CPNE4: variants seen among roughly 807,000 people sequenced by gnomAD.
The protein encoded by CPNE4 is copine-4.
Under a neutral mutation model 67.9 loss-of-function variants are expected in CPNE4, and 25 were observed. The ratio of observed to expected loss-of-function variants is 0.37; its 90% CI spans 0.27 to 0.51. The LOEUF (loss-of-function observed/expected upper bound fraction) is 0.51. CPNE4 is among the 20% of genes least tolerant of loss of function. The pLI is 0.93. For missense variants in CPNE4, 464 were observed against 690.8 expected (o/e 0.67, Z 3.68); for synonymous variants, 242 against 244.9 (o/e 0.99, Z 0.11).
intron 7 of CPNE4, among the ~76,000 whole-genome samples, chr3:131,594,683 C>G (rs2107712787): frequency 6.6e-6 from 1 of 152,094 alleles, no homozygotes; most frequent in East Asian, 1.9e-4. Context: ...GTAATAAAAG[C>G]AAAAATAGAT....
intron 6 of CPNE4, among the ~76,000 whole-genome samples, chr3:131,672,753 A>C (rs73218434): frequency 0.032 from 4,806 of 151,840 alleles, 107 homozygotes; most frequent in East Asian, 0.1. Context: ...TGTCAGATGG[A>C]TAGTTGGCAA....
At chr3:131,741,319 C>T (rs983304631) in intron 2 of CPNE4, among the ~76,000 whole-genome samples, 1 of 152,190 alleles carries the variant, frequency 6.6e-6, no homozygotes, top group Middle Eastern at 3.4e-3. Flanking sequence ...ATAGGTATAC[C>T]AGTGTGAACT....
At chr3:132,013,073 A>G (rs1181395409) in intron 1 of CPNE4, among the ~76,000 whole-genome samples, 1 of 152,062 alleles carries the variant, frequency 6.6e-6, no homozygotes, top group Non-Finnish European at 1.5e-5. Flanking sequence ...AAATACAAAA[A>G]TTAGCCAGGC....
intron 2 of CPNE4, among the ~76,000 whole-genome samples, chr3:131,825,639 A>T (rs996786996): frequency 3.9e-5 from 6 of 152,200 alleles, no homozygotes; most frequent in Admixed American, 3.3e-4. Flanking sequence ...TTTCAAACTG[A>T]AAAAGATTTG....
intron 9 of CPNE4, among the ~76,000 whole-genome samples, chr3:131,579,852 T>C (rs150311442): frequency 2.0e-4 from 30 of 152,336 alleles, no homozygotes; most frequent in African/African-American, 7.2e-4. Flanking sequence ...CTGCTCCTGG[T>C]GAAGATGCTG....
rs182077993 is a variant in CPNE4 at position 131,765,069 on chromosome 3, C to T, written c.181-41444G>A. ...ATCTTCCCTTCAAGGAGACTTGGTTCAAGCTTCTAGCATGAGGGCCTGTGA... is the reference window on the plus strand; with the variant it reads ...ATCTTCCCTTCAAGGAGACTTGGTTTAAGCTTCTAGCATGAGGGCCTGTGA... On this transcript the variant is annotated intron_variant, in intron 2 of 15. Transcript: ENST00000429747. Among the ~76,000 whole-genome samples, 433 of 152,164 alleles carry T rather than the reference C, an allele frequency of 2.8e-3. 5 individuals carry two copies. Among genetic ancestry groups the T allele is most frequent in the South Asian group, 6.4e-3 (31 of 4,818 alleles).
chr3:131,692,842 A>T (rs994710835), intron 5 of CPNE4, among the ~76,000 whole-genome samples: 1 of 152,152 alleles, frequency 6.6e-6, no homozygotes, highest in Non-Finnish European at 1.5e-5. Context: ...ATTAGTTCCA[A>T]TGCACCAATA....
rs147978494 is a variant in CPNE4 at position 131,571,499 on chromosome 3, C to T, written c.927+3572G>A. ...CTTGCCTACAGCTGCTGTTGCCTCG[C>T]GTATTTCCCTGACCAGGTCCACTAT... On this transcript the variant is annotated intron_variant, in intron 10 of 15. Transcript: ENST00000429747. 5.3e-5 allele frequency among the ~76,000 whole-genome samples: 8 copies of T among 152,174 alleles called. No homozygotes were observed. The East Asian group carries it at 1.4e-3, about 26-fold the overall frequency.
At chr3:131,543,128 T>G (rs1357568898) in intron 14 of CPNE4, 1 of 208,544 alleles carries the variant, frequency 4.8e-6, no homozygotes, top group African/African-American at 2.3e-5. Flanking sequence ...TGTCTGAGCT[T>G]CTTCATTTCT....
chr3:131,874,987 T>C (rs1204920687), intron 2 of CPNE4, among the ~76,000 whole-genome samples: 6 of 152,178 alleles, frequency 3.9e-5, no homozygotes, highest in Non-Finnish European at 7.4e-5. Flanking sequence ...CTAAGGAGAT[T>C]TGATAACATG....
intron 6 of CPNE4, among the ~76,000 whole-genome samples, chr3:131,675,781 G>A (rs1285455037): frequency 6.6e-6 from 1 of 151,636 alleles, no homozygotes; most frequent in Non-Finnish European, 1.5e-5. Flanking sequence ...TTATTGGAGT[G>A]TTTAGTCCCA....
chr3:132,006,233 G>C (rs931468695), intron 1 of CPNE4, among the ~76,000 whole-genome samples: 1 of 152,098 alleles, frequency 6.6e-6, no homozygotes, highest in East Asian at 1.9e-4. Flanking sequence ...GGCTATGCAG[G>C]AGTCAATCCA....
chr3:131,876,647 A>T (rs1035273390), intron 2 of CPNE4, among the ~76,000 whole-genome samples: 7 of 148,042 alleles, frequency 4.7e-5, no homozygotes, highest in Admixed American at 6.9e-5. Context: ...GTCTCAAAAA[A>T]AAAAAAAAAG....
chr3:131,616,731 G>A (rs1940177290), intron 7 of CPNE4, among the ~76,000 whole-genome samples: 1 of 152,134 alleles, frequency 6.6e-6, no homozygotes, highest in Non-Finnish European at 1.5e-5. Context: ...AATCTGTACA[G>A]CTTCGAATTA....
At chr3:131,863,123 G>C (rs1203692430) in intron 2 of CPNE4, among the ~76,000 whole-genome samples, 3 of 152,086 alleles carry the variant, frequency 2.0e-5, no homozygotes, top group Non-Finnish European at 4.4e-5. Context: ...GGACATTTGG[G>C]TTGGTTCCAA....
intron 1 of CPNE4, among the ~76,000 whole-genome samples, chr3:132,010,894 T>C (rs988301594): frequency 6.6e-6 from 1 of 152,088 alleles, no homozygotes; most frequent in Non-Finnish European, 1.5e-5. Context: ...TCCTGGCACA[T>C]GGCTTTTCCT....
At chr3:131,958,482 G>T (rs763903527) in intron 1 of CPNE4, among the ~76,000 whole-genome samples, 1 of 152,096 alleles carries the variant, frequency 6.6e-6, no homozygotes, top group Admixed American at 6.5e-5. Flanking sequence ...CGATTCTGAT[G>T]CAGTTGATGT....
At chr3:131,682,823 T>C (rs912863721) in intron 6 of CPNE4, among the ~76,000 whole-genome samples, 1 of 152,052 alleles carries the variant, frequency 6.6e-6, no homozygotes, top group African/African-American at 2.4e-5. Flanking sequence ...TCTATTCTAC[T>C]GTGTTTGAGC....
chr3:131,942,392 T>C (rs1236186990), intron 1 of CPNE4, among the ~76,000 whole-genome samples: 1 of 150,710 alleles, frequency 6.6e-6, no homozygotes, highest in Non-Finnish European at 1.5e-5. Flanking sequence ...CCACAGTTAA[T>C]ATTTTGACAA....
Sources: allele counts gnomAD v4.1 joint callset (sites outside exome capture counted in the v4.1 genomes callset), GRCh38; gene constraint gnomAD v4.1.1; transcripts MANE v1.5; gene names NCBI Gene and HGNC (gene_info 2026-07-23, HGNC 2026-07-21).